The following CLSTN2 variants were observed in gnomAD, a reference collection of about 807,000 sequenced individuals.
CLSTN2 encodes calsyntenin 2.
In CLSTN2, 48 loss-of-function variants were observed where a neutral mutation model predicts 101.2. The observed-to-expected ratio is 0.47, with a 90% CI of 0.38 to 0.60. CLSTN2 has a LOEUF of 0.60. CLSTN2 is among the 20% of genes least tolerant of loss of function. CLSTN2 has a pLI of 0.00. For synonymous variants in CLSTN2, 481 were observed against 463.6 expected (o/e 1.04, Z -0.48); for missense variants, 1,160 against 1,238.2 (o/e 0.94, Z 0.95).
chr3:140,550,718 A>C (rs992011146), intron 10 of CLSTN2, among the ~76,000 whole-genome samples: 13 of 151,518 alleles, frequency 8.6e-5, no homozygotes, highest in African/African-American at 2.9e-4. Flanking sequence ...CAATTTCTAG[A>C]GTCATCATAG....
intron 2 of CLSTN2, among the ~76,000 whole-genome samples, chr3:140,338,674 G>A (rs62268009): frequency 0.086 from 13,120 of 152,192 alleles, 675 homozygotes; most frequent in Middle Eastern, 0.13. Flanking sequence ...CTGTGAGATC[G>A]TCTGATAACT....
At chr3:140,517,738 ACT>A (rs1934947119) in intron 8 of CLSTN2, among the ~76,000 whole-genome samples, 1 of 151,714 alleles carries the variant, frequency 6.6e-6, no homozygotes, top group Non-Finnish European at 1.5e-5. Flanking sequence ...AATCAGGTGG[ACT>A]CTGTTAGGAT....
chr3:140,419,422 G>T (rs1576556940), intron 4 of CLSTN2, among the ~76,000 whole-genome samples: 1 of 140,334 alleles, frequency 7.1e-6, no homozygotes, highest in Non-Finnish European at 1.5e-5. Flanking sequence ...GTGAAAGATT[G>T]CAGGGAGCCG....
intron 1 of CLSTN2, among the ~76,000 whole-genome samples, chr3:140,156,574 T>C (rs2107817247): frequency 6.6e-6 from 1 of 152,326 alleles, no homozygotes; most frequent in East Asian, 1.9e-4. Context: ...TGAAAGATCT[T>C]GGCACTAATG....
At chr3:140,016,372 C>T (rs1009187900) in intron 1 of CLSTN2, among the ~76,000 whole-genome samples, 20 of 152,048 alleles carry the variant, frequency 1.3e-4, no homozygotes, top group African/African-American at 3.6e-4. Flanking sequence ...AAACATCTGA[C>T]GTGCTAGGAT....
At chr3:140,252,783 A>G (rs1398229906) in intron 2 of CLSTN2, among the ~76,000 whole-genome samples, 17 of 152,204 alleles carry the variant, frequency 1.1e-4, no homozygotes, top group Non-Finnish European at 2.9e-5. Flanking sequence ...GATGCATCTT[A>G]CTGAGTGGAT....
At chr3:140,485,462 A>T (rs1412077516) in intron 8 of CLSTN2, among the ~76,000 whole-genome samples, 4 of 152,118 alleles carry the variant, frequency 2.6e-5, no homozygotes, top group Non-Finnish European at 5.9e-5. Flanking sequence ...GTGCTGGGAG[A>T]ACCACTACTC....
intron 2 of CLSTN2, among the ~76,000 whole-genome samples, chr3:140,230,642 T>C (rs1379212288): frequency 6.6e-6 from 1 of 152,216 alleles, no homozygotes; most frequent in Non-Finnish European, 1.5e-5. Flanking sequence ...GCTAGCTCTC[T>C]GCAGACACAA....
rs185555543 is a variant in CLSTN2, at chr3:140,120,555, G to A, written c.110-55396G>A. On this transcript the variant is annotated intron_variant, in intron 1 of 16. Transcript: ENST00000458420. ...TTTCAGCTCCTCTCCCCTCCCCAGA[G>A]GTTGGGGAATGGGGCTGAAAGTTCC... Among the ~76,000 whole-genome samples, 11 of 152,340 alleles carry A rather than the reference G, an allele frequency of 7.2e-5. No individual in the cohort carries two copies. In the East Asian group the frequency reaches 1.7e-3, roughly 24 times the overall value.
chr3:140,320,261 C>G (rs1203332475), intron 2 of CLSTN2, among the ~76,000 whole-genome samples: 2 of 152,136 alleles, frequency 1.3e-5, no homozygotes, highest in Admixed American at 1.3e-4. Context: ...ACTGGGGGGC[C>G]TTGTCAGAGT....
chr3:140,148,158 A>C (rs114494967), intron 1 of CLSTN2, among the ~76,000 whole-genome samples: 141 of 152,302 alleles, frequency 9.3e-4, no homozygotes, highest in Non-Finnish European at 1.8e-3. Context: ...CTACCTCTGT[A>C]GGACCTCAAG....
chr3:140,505,303 A>T (rs67145238), intron 8 of CLSTN2, among the ~76,000 whole-genome samples: 26,245 of 152,178 alleles, frequency 0.17, 2,803 homozygotes, highest in East Asian at 0.4. Flanking sequence ...TTCCACCAGA[A>T]CAAGATTGGT....
At chr3:140,034,417 A>G (rs2007615739) in intron 1 of CLSTN2, among the ~76,000 whole-genome samples, 1 of 152,214 alleles carries the variant, frequency 6.6e-6, no homozygotes, top group South Asian at 2.1e-4. Context: ...CAGAGGCCAC[A>G]GGAGTCTTGA....
At chr3:140,205,914 A>G (rs2107843905) in intron 2 of CLSTN2, among the ~76,000 whole-genome samples, 1 of 152,158 alleles carries the variant, frequency 6.6e-6, no homozygotes, top group South Asian at 2.1e-4. Flanking sequence ...GTGTGCACTC[A>G]CAGGTGCATG....
intron 4 of CLSTN2, among the ~76,000 whole-genome samples, chr3:140,416,530 C>T (rs1056795649): frequency 2.0e-5 from 3 of 152,170 alleles, no homozygotes; most frequent in Non-Finnish European, 4.4e-5. Flanking sequence ...AGTCATACCT[C>T]CATAAAGCTG....
At chr3:140,212,022 A>C (rs2010862233) in intron 2 of CLSTN2, among the ~76,000 whole-genome samples, 1 of 152,212 alleles carries the variant, frequency 6.6e-6, no homozygotes, top group Non-Finnish European at 1.5e-5. Context: ...AGATGAAGGA[A>C]TGGATGAACA....
intron 5 of CLSTN2, among the ~76,000 whole-genome samples, chr3:140,423,165 A>C (rs2088524442): frequency 2.0e-5 from 3 of 152,248 alleles, no homozygotes; most frequent in African/African-American, 4.8e-5. Flanking sequence ...CCTAAATTTA[A>C]ATATAATTTC....
chr3:140,539,433 T>C (rs1357359731), intron 9 of CLSTN2, among the ~76,000 whole-genome samples: 3 of 152,204 alleles, frequency 2.0e-5, no homozygotes, highest in Non-Finnish European at 4.4e-5. Context: ...CAGTGAATCA[T>C]GTCTGGAAAC....
At chr3:140,310,629 C>A (rs1331349006) in intron 2 of CLSTN2, among the ~76,000 whole-genome samples, 1 of 152,180 alleles carries the variant, frequency 6.6e-6, no homozygotes, top group Admixed American at 6.5e-5. Context: ...GTCTCCCTCC[C>A]TCATAGACCT....
Sources: gnomAD v4.1 joint callset for allele counts (sites outside exome capture counted in the v4.1 genomes callset) on GRCh38, gnomAD v4.1.1 for gene constraint, MANE v1.5 for transcripts, NCBI Gene and HGNC (gene_info 2026-07-23, HGNC 2026-07-21) for gene names.